Variants in CAMK4 observed in about 807,000 individuals in gnomAD.
The protein encoded by CAMK4 is calcium/calmodulin dependent protein kinase IV.
CAMK4 carries 22 observed loss-of-function variants against 44.9 expected under a neutral mutation model. That is an observed-to-expected ratio of 0.49 (90% CI 0.35 to 0.70). The LOEUF is 0.70. Among genes scored for constraint, CAMK4 ranks in the 30% least tolerant of loss-of-function variants. The pLI is 0.01. For synonymous variants in CAMK4, 218 were observed against 215.4 expected, an observed-to-expected ratio of 1.01 and a Z score of -0.11; for missense variants, 498 against 586.8, an observed-to-expected ratio of 0.85 and a Z score of 1.56.
chr5:111,357,437 G>A (rs1750410902), intron 2 of CAMK4, among the ~76,000 whole-genome samples: 1 of 152,080 alleles, frequency 6.6e-6, no homozygotes, highest in Admixed American at 6.6e-5. Context: ...TTAGTGAGAA[G>A]GGGAAAGCTA....
At chr5:111,259,350 A>G (rs917498959) in intron 1 of CAMK4, among the ~76,000 whole-genome samples, 1 of 152,254 alleles carries the variant, frequency 6.6e-6, no homozygotes, top group Admixed American at 6.5e-5. Context: ...GAAAAGTTGT[A>G]GCAATGATAA....
intron 5 of CAMK4, among the ~76,000 whole-genome samples, chr5:111,408,294 G>T (rs1462493825): frequency 6.6e-6 from 1 of 152,140 alleles, no homozygotes; most frequent in Non-Finnish European, 1.5e-5. Flanking sequence ...AAGAAAAGAG[G>T]TTTAATGGAT....
At chr5:111,270,261 G>T (rs566353162) in intron 1 of CAMK4, among the ~76,000 whole-genome samples, 2 of 152,126 alleles carry the variant, frequency 1.3e-5, no homozygotes, top group East Asian at 3.8e-4. Flanking sequence ...AAAAGGTTAC[G>T]TAAAACCCCT....
chr5:111,332,377 A>T (rs367834208), intron 1 of CAMK4, among the ~76,000 whole-genome samples: 1 of 150,918 alleles, frequency 6.6e-6, no homozygotes, highest in South Asian at 2.1e-4. Context: ...ATGATTTCCA[A>T]TTTCATCCAT....
chr5:111,471,085 T>C (rs539140769), intron 7 of CAMK4, among the ~76,000 whole-genome samples: 2 of 152,364 alleles, frequency 1.3e-5, no homozygotes, highest in South Asian at 4.1e-4. Context: ...AGCCATGTTT[T>C]ATCTCCTGTA....
At chr5:111,275,996 C>T (rs1375443502) in intron 1 of CAMK4, among the ~76,000 whole-genome samples, 1 of 152,136 alleles carries the variant, frequency 6.6e-6, no homozygotes, top group East Asian at 1.9e-4. Flanking sequence ...CCACCATCTT[C>T]TTGTATCAAA....
chr5:111,408,257 G>GATATAGCCC (rs1752508377), intron 5 of CAMK4, among the ~76,000 whole-genome samples: 1 of 152,136 alleles, frequency 6.6e-6, no homozygotes, highest in African/African-American at 2.4e-5. Context: ...TGCTAATAAA[G>GATATAGCCC]ATATAGCCCA....
chr5:111,452,107 G>T (rs1045545883), intron 7 of CAMK4, among the ~76,000 whole-genome samples: 1 of 152,224 alleles, frequency 6.6e-6, no homozygotes, highest in Non-Finnish European at 1.5e-5. Flanking sequence ...TGAAGGATGA[G>T]TAAGAGTTCA....
intron 1 of CAMK4, among the ~76,000 whole-genome samples, chr5:111,273,685 A>T (rs1254835920): frequency 2.2e-5 from 1 of 45,472 alleles, no homozygotes; most frequent in Non-Finnish European, 3.6e-5. Flanking sequence ...ATTTATATAT[A>T]TATATATATA....
intron 1 of CAMK4, among the ~76,000 whole-genome samples, chr5:111,275,543 T>C (rs911201908): frequency 4.6e-5 from 7 of 152,090 alleles, no homozygotes; most frequent in African/African-American, 1.4e-4. Flanking sequence ...TCAGATAGTG[T>C]CTGACAGTAA....
chr5:111,428,387 A>G (rs1247434288), intron 5 of CAMK4, among the ~76,000 whole-genome samples: 1 of 152,250 alleles, frequency 6.6e-6, no homozygotes, highest in African/African-American at 2.4e-5. Context: ...AATGAACTAA[A>G]TAAGGCACCA....
At chr5:111,365,809 G>T (rs1396085226) in intron 2 of CAMK4, among the ~76,000 whole-genome samples, 2 of 152,082 alleles carry the variant, frequency 1.3e-5, no homozygotes, top group Admixed American at 6.6e-5. Context: ...TAAATAATCA[G>T]ACTTGATTAA....
chr5:111,325,570 T>G (rs1320568730), intron 1 of CAMK4, among the ~76,000 whole-genome samples: 1 of 152,076 alleles, frequency 6.6e-6, no homozygotes, highest in Non-Finnish European at 1.5e-5. Context: ...TAATCACCAT[T>G]CTAACTGGCA....
chr5:111,312,864 C>T (rs977409327), intron 1 of CAMK4, among the ~76,000 whole-genome samples: 2 of 152,148 alleles, frequency 1.3e-5, no homozygotes, highest in East Asian at 3.8e-4. Flanking sequence ...CTCCAGTATA[C>T]ATTTTGCAGA....
chr5:111,267,170 G>A (rs1391676213), intron 1 of CAMK4, among the ~76,000 whole-genome samples: 3 of 151,936 alleles, frequency 2.0e-5, no homozygotes, highest in East Asian at 3.9e-4. Context: ...GAGGTTGTCT[G>A]TACATTTTCT....
intron 1 of CAMK4, among the ~76,000 whole-genome samples, chr5:111,316,179 C>T (rs967663489): frequency 1.3e-5 from 2 of 152,138 alleles, no homozygotes; most frequent in African/African-American, 2.4e-5. Flanking sequence ...ATACTCTAAT[C>T]CTTTTTCTCC....
At chr5:111,280,468 A>G (rs1394120035) in intron 1 of CAMK4, among the ~76,000 whole-genome samples, 1 of 152,204 alleles carries the variant, frequency 6.6e-6, no homozygotes, top group African/African-American at 2.4e-5. Context: ...CAGAGGTCTT[A>G]TCTTTAATAT....
intron 4 of CAMK4, among the ~76,000 whole-genome samples, chr5:111,394,255 T>C (rs955449503): frequency 6.6e-6 from 1 of 152,148 alleles, no homozygotes; most frequent in African/African-American, 2.4e-5. Context: ...CTTTTAGAGA[T>C]AACCTCCTCA....
At chr5:111,412,855 C>T (rs920533242) in intron 5 of CAMK4, among the ~76,000 whole-genome samples, 1 of 152,140 alleles carries the variant, frequency 6.6e-6, no homozygotes, top group East Asian at 1.9e-4. Flanking sequence ...CAGAAGTTAC[C>T]ACCCTTTTCC....
Sources: allele counts gnomAD v4.1 joint callset (sites outside exome capture counted in the v4.1 genomes callset), GRCh38; gene constraint gnomAD v4.1.1; transcripts MANE v1.5; gene names NCBI Gene and HGNC (gene_info 2026-07-23, HGNC 2026-07-21).